Variants in TTC39B observed in about 807,000 individuals in gnomAD.
The protein encoded by TTC39B is tetratricopeptide repeat domain 39B.
Under a neutral mutation model 96.6 loss-of-function variants are expected in TTC39B, and 92 were observed. The observed-to-expected ratio is 0.95, with a 90% CI of 0.80 to 1.13. The LOEUF is 1.13. Among genes scored for constraint, TTC39B ranks in the 50% most tolerant of loss-of-function variants. The pLI is 0.00. For missense variants in TTC39B, 955 were observed against 809.3 expected (o/e 1.18, Z -2.18); for synonymous variants, 367 against 299.4 (o/e 1.23, Z -2.33).
At chr9:15,198,461 A>AATATATATATATATATATATATATAT (rs61517681) in intron 8 of TTC39B, among the ~76,000 whole-genome samples, 2 of 117,356 alleles carry the variant, frequency 1.7e-5, no homozygotes, top group African/African-American at 6.2e-5. Flanking sequence ...CGGTCGCAAA[A>AATATATATATATATATATATATATAT]ATATATATAT....
chr9:15,303,406 T>C (rs1300673426), intron 1 of TTC39B, among the ~76,000 whole-genome samples: 2 of 151,210 alleles, frequency 1.3e-5, no homozygotes, highest in Non-Finnish European at 3.0e-5. Context: ...AAACGGGGTC[T>C]GTCACCCAGG....
At chr9:15,303,598 T>C (rs923048497) in intron 1 of TTC39B, among the ~76,000 whole-genome samples, 3 of 151,946 alleles carry the variant, frequency 2.0e-5, no homozygotes, top group Admixed American at 6.6e-5. Context: ...GGTTGAAAAG[T>C]GATTTTTAGT....
chr9:15,287,625 G>A (rs1259349577), intron 1 of TTC39B, among the ~76,000 whole-genome samples: 1 of 151,972 alleles, frequency 6.6e-6, no homozygotes, highest in Non-Finnish European at 1.5e-5. Flanking sequence ...CTTCATTTAA[G>A]TTAAAATGTA....
intron 2 of TTC39B, among the ~76,000 whole-genome samples, chr9:15,267,033 C>A (rs866302512): frequency 6.6e-6 from 1 of 152,086 alleles, no homozygotes; most frequent in East Asian, 1.9e-4. Context: ...GAGCCGAGAT[C>A]GTGCCACTGC....
intron 1 of TTC39B, among the ~76,000 whole-genome samples, chr9:15,294,970 C>T (rs1453896470): frequency 6.6e-6 from 1 of 152,182 alleles, no homozygotes; most frequent in Non-Finnish European, 1.5e-5. Context: ...CATGGAGGAG[C>T]AGGGATTCAA....
At chr9:15,250,722 C>G (rs1341922309) in intron 2 of TTC39B, among the ~76,000 whole-genome samples, 1 of 152,104 alleles carries the variant, frequency 6.6e-6, no homozygotes, top group Non-Finnish European at 1.5e-5. Flanking sequence ...AGTTCAAAGA[C>G]CCTAAGATAG....
intron 1 of TTC39B, among the ~76,000 whole-genome samples, chr9:15,281,549 G>A: frequency 7.5e-6 from 1 of 133,902 alleles, no homozygotes; most frequent in East Asian, 2.2e-4. Flanking sequence ...AGGGAGAAAA[G>A]CTTAAGACTT....
chr9:15,291,421 T>A (rs896965399), intron 1 of TTC39B, among the ~76,000 whole-genome samples: 8 of 152,212 alleles, frequency 5.3e-5, no homozygotes, highest in Non-Finnish European at 1.0e-4. Flanking sequence ...CTCCTTGCCA[T>A]CTGCGATGAT....
chr9:15,246,886 T>C (rs1046958754), intron 2 of TTC39B, among the ~76,000 whole-genome samples: 1 of 152,262 alleles, frequency 6.6e-6, no homozygotes. Context: ...TTCAGATTCA[T>C]AAGCAAATAA....
intron 2 of TTC39B, among the ~76,000 whole-genome samples, chr9:15,266,067 T>C (rs1823119028): frequency 2.6e-5 from 4 of 152,164 alleles, no homozygotes; most frequent in South Asian, 2.1e-4. Flanking sequence ...TGGACTGTAG[T>C]TAACAATAAT....
chr9:15,283,884 A>T (rs1823861172), intron 1 of TTC39B, among the ~76,000 whole-genome samples: 1 of 152,158 alleles, frequency 6.6e-6, no homozygotes, highest in African/African-American at 2.4e-5. Flanking sequence ...ATTTTAAAAA[A>T]TGGGTATTTT....
At chr9:15,235,068 CA>C (rs1212338200) in intron 2 of TTC39B, among the ~76,000 whole-genome samples, 1 of 141,016 alleles carries the variant, frequency 7.1e-6, no homozygotes, top group Non-Finnish European at 1.6e-5. Flanking sequence ...CAAAACAAAA[CA>C]AAAAACAGAA....
chr9:15,249,311 C>T (rs1366077746), intron 2 of TTC39B: 3 of 152,162 alleles, frequency 2.0e-5, no homozygotes, highest in African/African-American at 4.8e-5. Flanking sequence ...GGTGGCCATA[C>T]AAAGGTCACT....
At chr9:15,236,500 T>C (rs746937520) in intron 2 of TTC39B, among the ~76,000 whole-genome samples, 1 of 152,214 alleles carries the variant, frequency 6.6e-6, no homozygotes, top group South Asian at 2.1e-4. Context: ...AACATTCTAC[T>C]GAACAACCAC....
At chr9:15,255,207 T>G (rs907352118) in intron 2 of TTC39B, among the ~76,000 whole-genome samples, 1 of 152,120 alleles carries the variant, frequency 6.6e-6, no homozygotes, top group South Asian at 2.1e-4. Context: ...TCTCTTCAGT[T>G]TTAGGCAATT....
chr9:15,237,868 C>T (rs1821858369), intron 2 of TTC39B, among the ~76,000 whole-genome samples: 1 of 152,242 alleles, frequency 6.6e-6, no homozygotes, highest in East Asian at 1.9e-4. Flanking sequence ...CCCTGAGGAA[C>T]ACAGATGCAA....
chr9:15,294,235 C>T (rs565316199), intron 1 of TTC39B, among the ~76,000 whole-genome samples: 5 of 151,948 alleles, frequency 3.3e-5, no homozygotes, highest in Non-Finnish European at 7.4e-5. Context: ...AGCAGTCTAG[C>T]GCAGTACACT....
At chr9:15,219,235 T>C (rs1820703326) in intron 3 of TTC39B, among the ~76,000 whole-genome samples, 1 of 152,126 alleles carries the variant, frequency 6.6e-6, no homozygotes, top group Non-Finnish European at 1.5e-5. Flanking sequence ...CTATAAAAAG[T>C]AGTTGTAAAG....
chr9:15,205,750 G>C (rs540998314), intron 6 of TTC39B, among the ~76,000 whole-genome samples: 5 of 151,958 alleles, frequency 3.3e-5, no homozygotes, highest in African/African-American at 1.2e-4. Flanking sequence ...AGCTATGAAA[G>C]TCTGCTCAGG....
Sources: allele counts gnomAD v4.1 joint callset (sites outside exome capture counted in the v4.1 genomes callset), GRCh38; gene constraint gnomAD v4.1.1; transcripts MANE v1.5; gene names NCBI Gene and HGNC (gene_info 2026-07-23, HGNC 2026-07-21).